Variants in TET1 observed in about 807,000 individuals in gnomAD.
The protein encoded by TET1 is tet methylcytosine dioxygenase 1.
In TET1, 13 loss-of-function variants were observed where a neutral mutation model predicts 148.7. That is an observed-to-expected ratio of 0.09 (90% CI 0.06 to 0.14). The LOEUF is 0.14. Among genes scored for constraint, TET1 ranks in the 10% least tolerant of loss-of-function variants. The pLI, the probability that TET1 is intolerant of heterozygous loss-of-function variation, is 1.00. For missense variants in TET1, 2,182 were observed against 2,553.8 expected, an observed-to-expected ratio of 0.85 and a Z score of 3.14; for synonymous variants, 907 against 937.2, an observed-to-expected ratio of 0.97 and a Z score of 0.59.
At chr10:68,606,752 A>C (rs1297447495) in intron 3 of TET1, among the ~76,000 whole-genome samples, 1 of 152,242 alleles carries the variant, frequency 6.6e-6, no homozygotes, top group Non-Finnish European at 1.5e-5. Context: ...TAATTTTTAA[A>C]AATGGAAAGA....
chr10:68,565,052 A>G (rs1010132146), intron 1 of TET1, among the ~76,000 whole-genome samples: 3 of 152,174 alleles, frequency 2.0e-5, no homozygotes, highest in Non-Finnish European at 4.4e-5. Flanking sequence ...ATATTGAGAA[A>G]CATTGAAATA....
chr10:68,622,139 C>T (rs2054379961), intron 3 of TET1, among the ~76,000 whole-genome samples: 1 of 151,900 alleles, frequency 6.6e-6, no homozygotes, highest in Admixed American at 6.6e-5. Context: ...TTTTTGGGTG[C>T]AGGATTCCAT....
At chr10:68,624,678 C>T (rs148426925) in intron 3 of TET1, among the ~76,000 whole-genome samples, 5,648 of 100,004 alleles carry the variant, frequency 0.056, 174 homozygotes, top group African/African-American at 0.084. Flanking sequence ...CTCTCTCTCT[C>T]TCTCTCTCTC....
chr10:68,589,411 T>C (rs145167730), intron 2 of TET1, among the ~76,000 whole-genome samples: 2,043 of 152,290 alleles, frequency 0.013, 21 homozygotes, highest in Non-Finnish European at 0.02. Context: ...CCAATACTAG[T>C]AGCAAACTTG....
chr10:68,658,268 G>C (rs938257423), intron 6 of TET1, among the ~76,000 whole-genome samples: 9 of 151,770 alleles, frequency 5.9e-5, no homozygotes, highest in African/African-American at 1.9e-4. Context: ...CTTGAGTGCA[G>C]TGGCACAATC....
chr10:68,611,183 C>T (rs891609171), intron 3 of TET1, among the ~76,000 whole-genome samples: 8 of 151,856 alleles, frequency 5.3e-5, no homozygotes, highest in African/African-American at 1.7e-4. Flanking sequence ...CCCAGCTACT[C>T]GGGAGGCTGA....
chr10:68,600,845 G>T (rs2054045900), intron 2 of TET1, 136 bp from the exon 3 acceptor site: 1 of 709,634 alleles, frequency 1.4e-6, no homozygotes. Context: ...AGCTCTTTAG[G>T]TTCTGCCTAG....
In TET1 at chr10:68,692,226, A is replaced by G; in HGVS notation, c.*412A>G. ...TCTACACAGCTTCTGGTGCTTAACC[A>G]CATCCACACAGTTAAAAATAAGCTG... On this transcript the variant is annotated 3_prime_UTR_variant, in exon 12 of 12. Coordinates refer to ENST00000373644, the MANE Select transcript of TET1 (RefSeq NM_030625.3). 1 of 240,694 alleles carries G rather than the reference A, an allele frequency of 4.2e-6. No individual in the cohort carries two copies. Among genetic ancestry groups the G allele is most frequent in the Non-Finnish European group, 8.1e-6 (1 of 122,712 alleles). The allele number at this position is 240,694 out of a possible 1,614,324, so 14.9% of individuals were successfully genotyped here. A position where few individuals can be genotyped will look rare whatever the true frequency, so the allele number is the denominator to read the frequency against.
chr10:68,674,825 A>T (rs2055327613), intron 8 of TET1: 1 of 477,256 alleles, frequency 2.1e-6, no homozygotes, highest in East Asian at 5.4e-5. Flanking sequence ...GTTGATGGAA[A>T]TCATGACCCG....
At chr10:68,632,326 A>C in intron 3 of TET1, 1 of 1,507,516 alleles carries the variant, frequency 6.6e-7, no homozygotes, top group South Asian at 1.2e-5. Context: ...CCTTTCAAAA[A>C]AAAAAGAAAG....
chr10:68,589,662 ATTTTTTT>A (rs57278279), intron 2 of TET1, among the ~76,000 whole-genome samples: 35,106 of 110,252 alleles, frequency 0.32, 5,307 homozygotes, highest in Middle Eastern at 0.45. Context: ...AATATCTCCA[ATTTTTTT>A]TTTTTTTTTT....
At chr10:68,592,628 G>A (rs2053931868) in intron 2 of TET1, among the ~76,000 whole-genome samples, 1 of 152,040 alleles carries the variant, frequency 6.6e-6, no homozygotes, top group African/African-American at 2.4e-5. Context: ...CAACCACACT[G>A]GAATGTTACC....
intron 1 of TET1, among the ~76,000 whole-genome samples, chr10:68,565,475 A>AAAAAAAAAATAT (rs1388182777): frequency 7.7e-6 from 1 of 129,232 alleles, no homozygotes; most frequent in Admixed American, 8.4e-5. Context: ...AAAAAAAAAA[A>AAAAAAAAAATAT]ATATATATAT....
In TET1 at chr10:68,577,132, G is replaced by A. The variant is rs575036273; in HGVS notation, c.1914+2880G>A. ...TCACCGTGTTAGCCAGGATGGTCCC[G>A]ATCTCCTGACCTCACGATCCACCCG... On this transcript the variant is annotated intron_variant, in intron 2 of 11. Transcript: ENST00000373644. 5.9e-5 allele frequency among the ~76,000 whole-genome samples: 9 copies of A among 152,152 alleles called. No homozygotes were observed. The East Asian group carries it at 1.6e-3, about 26-fold the overall frequency.
intron 8 of TET1, among the ~76,000 whole-genome samples, chr10:68,676,236 G>GTGTGTATA (rs1202890548): frequency 1.8e-5 from 1 of 55,478 alleles, no homozygotes; most frequent in African/African-American, 9.5e-5. Context: ...GTATGTATGT[G>GTGTGTATA]TATATATATA....
intron 1 of TET1, among the ~76,000 whole-genome samples, chr10:68,563,704 C>A (rs111401908): frequency 6.6e-6 from 1 of 152,154 alleles, no homozygotes; most frequent in Non-Finnish European, 1.5e-5. Flanking sequence ...TTTTTTGAGA[C>A]GGAGTCTCGC....
At chr10:68,585,251 G>A (rs185009033) in intron 2 of TET1, among the ~76,000 whole-genome samples, 5 of 152,216 alleles carry the variant, frequency 3.3e-5, no homozygotes, top group East Asian at 3.9e-4. Context: ...TGATCCTCCC[G>A]TCTCGGCCTC....
chr10:68,609,887 C>T (rs1042710917), intron 3 of TET1, among the ~76,000 whole-genome samples: 13 of 152,050 alleles, frequency 8.5e-5, no homozygotes, highest in Non-Finnish European at 1.8e-4. Context: ...GTGGCTCATA[C>T]CTGTAATCCC....
At chr10:68,634,712 G>C (rs1396784466) in intron 3 of TET1, among the ~76,000 whole-genome samples, 1 of 152,058 alleles carries the variant, frequency 6.6e-6, no homozygotes, top group East Asian at 1.9e-4. Flanking sequence ...ATGATACCTG[G>C]CAAGTAGTAA....
Sources: allele counts gnomAD v4.1 joint callset (sites outside exome capture counted in the v4.1 genomes callset), GRCh38; gene constraint gnomAD v4.1.1; transcripts MANE v1.5; gene names NCBI Gene and HGNC (gene_info 2026-07-23, HGNC 2026-07-21).